The following NRXN3 variants were observed in gnomAD, a reference collection of about 807,000 sequenced individuals.
NRXN3 encodes the protein neurexin III.
In NRXN3, 32 loss-of-function variants were observed where a neutral mutation model predicts 137.6. That is an observed-to-expected ratio of 0.23 (90% confidence interval 0.18 to 0.31). The LOEUF is 0.31. Ranked by LOEUF, NRXN3 falls within the 10% of genes least tolerant of loss-of-function variation. NRXN3 has a pLI of 1.00. For missense variants in NRXN3, 1,574 were observed against 2,062.5 expected, an observed-to-expected ratio of 0.76 and a Z score of 4.59; for synonymous variants, 798 against 784.5, an observed-to-expected ratio of 1.02 and a Z score of -0.29.
At chr14:79,812,066 C>G (rs972788192) in intron 20 of NRXN3, among the ~76,000 whole-genome samples, 5 of 151,956 alleles carry the variant, frequency 3.3e-5, no homozygotes, top group African/African-American at 4.8e-5. Context: ...GAATAGTGTG[C>G]ATAATATATG....
chr14:78,576,955 A>G (rs2096942180), intron 4 of NRXN3, among the ~76,000 whole-genome samples: 1 of 152,098 alleles, frequency 6.6e-6, no homozygotes. Flanking sequence ...TCTGGGAATG[A>G]TTTATGACCT....
At chr14:79,544,548 A>T (rs559361913) in intron 16 of NRXN3, among the ~76,000 whole-genome samples, 1 of 152,206 alleles carries the variant, frequency 6.6e-6, no homozygotes, top group Non-Finnish European at 1.5e-5. Context: ...AGGTAAAACC[A>T]ATAAGAGGTT....
At chr14:79,465,218 G>A (rs1009570428) in intron 15 of NRXN3, among the ~76,000 whole-genome samples, 8 of 152,228 alleles carry the variant, frequency 5.3e-5, no homozygotes, top group South Asian at 4.1e-4. Flanking sequence ...CAGATGGAGC[G>A]ATATCAAGGG....
rs59965092 is a variant in NRXN3, at chr14:79,486,960, T to C, written c.3444+19558T>C. Among the ~76,000 whole-genome samples the C allele has an allele frequency of 3.3e-3, 373 of 112,048 alleles. 4 individuals carry two copies. Among genetic ancestry groups the C allele is most frequent in the African/African-American group, 0.012 (344 of 28,516 alleles). The allele number at this position is 112,048 out of a possible 152,430, so 73.5% of individuals were successfully genotyped here. A position where few individuals can be genotyped will look rare whatever the true frequency, so the allele number is the denominator to read the frequency against. On this transcript the variant is annotated intron_variant, in intron 16 of 20. Coordinates refer to ENST00000335750, the MANE Select transcript of NRXN3 (RefSeq NM_001330195.2). ...CTCTCTCTCTCTCTCTCTCTCTCTC[T>C]CCCACACACACACACCCCAAGATAA...
chr14:79,746,240 A>G (rs1302081646), intron 19 of NRXN3, among the ~76,000 whole-genome samples: 1 of 152,128 alleles, frequency 6.6e-6, no homozygotes, highest in Non-Finnish European at 1.5e-5. Context: ...TGGCCCTCAC[A>G]ACAGATGTAC....
intron 10 of NRXN3, among the ~76,000 whole-genome samples, chr14:78,878,161 T>A (rs976179915): frequency 1.3e-5 from 2 of 152,198 alleles, no homozygotes; most frequent in Non-Finnish European, 2.9e-5. Context: ...TTGCTTTGAA[T>A]TATTTTTCAT....
chr14:79,067,520 A>T (rs115421093), intron 15 of NRXN3, among the ~76,000 whole-genome samples: 1,790 of 152,108 alleles, frequency 0.012, 32 homozygotes, highest in African/African-American at 0.038. Flanking sequence ...CAATTTTTTG[A>T]ATAGTTTCAG....
At chr14:79,340,064 C>T (rs1266477234) in intron 15 of NRXN3, among the ~76,000 whole-genome samples, 1 of 152,008 alleles carries the variant, frequency 6.6e-6, no homozygotes. Context: ...AGATTGTCCT[C>T]ACTATATTAT....
chr14:79,076,353 G>A (rs777260846), intron 15 of NRXN3, among the ~76,000 whole-genome samples: 1 of 152,156 alleles, frequency 6.6e-6, no homozygotes, highest in Non-Finnish European at 1.5e-5. Flanking sequence ...GAATCCAGAT[G>A]TGGCTTAGCT....
intron 10 of NRXN3, among the ~76,000 whole-genome samples, chr14:78,917,345 A>AT (rs1447813844): frequency 6.6e-6 from 1 of 152,206 alleles, no homozygotes; most frequent in African/African-American, 2.4e-5. Context: ...AGCAGAAAAA[A>AT]TAACTATTGG....
intron 4 of NRXN3, among the ~76,000 whole-genome samples, chr14:78,605,176 A>G (rs1351286888): frequency 6.6e-6 from 1 of 152,176 alleles, no homozygotes; most frequent in Non-Finnish European, 1.5e-5. Flanking sequence ...GTTTTAAGTC[A>G]TCATCTTCCC....
chr14:78,397,110 A>G (rs1428336076), intron 4 of NRXN3, among the ~76,000 whole-genome samples: 2 of 152,200 alleles, frequency 1.3e-5, no homozygotes, highest in African/African-American at 2.4e-5. Context: ...GGGGTGCACA[A>G]TTCAGTCCAT....
chr14:78,344,020 A>G (rs1209449751), intron 4 of NRXN3, among the ~76,000 whole-genome samples: 2 of 152,146 alleles, frequency 1.3e-5, no homozygotes, highest in African/African-American at 4.8e-5. Flanking sequence ...CTGGGTTGCA[A>G]CGTCTGCAGT....
At position 78,482,727 on chromosome 14, in the gene NRXN3, G is replaced by A. The variant is rs959662659; in HGVS notation, c.758-162393G>A. 2.0e-5 allele frequency among the ~76,000 whole-genome samples: 3 copies of A among 152,150 alleles called. No homozygotes were observed. In the East Asian group the frequency reaches 5.8e-4, roughly 29 times the overall value. On this transcript the variant is annotated intron_variant, in intron 4 of 20. Coordinates refer to ENST00000335750, the MANE Select transcript of NRXN3 (RefSeq NM_001330195.2). ...ACGACTACAAGCATAGTGACCTTCT[G>A]GATTTGTTCCTGTGGATAATCTTAA...
chr14:79,341,135 T>C (rs144011371), intron 15 of NRXN3, among the ~76,000 whole-genome samples: 54 of 152,224 alleles, frequency 3.5e-4, no homozygotes, highest in Non-Finnish European at 5.4e-4. Context: ...TTTTCTGAAA[T>C]TGCTGGCTCC....
At chr14:79,838,035 C>T (rs1329430150) in intron 20 of NRXN3, among the ~76,000 whole-genome samples, 1 of 152,034 alleles carries the variant, frequency 6.6e-6, no homozygotes, top group Non-Finnish European at 1.5e-5. Context: ...GCAGTGTGTT[C>T]CTAGTGAGTT....
intron 15 of NRXN3, among the ~76,000 whole-genome samples, chr14:79,156,349 A>G (rs1056350386): frequency 1.3e-5 from 2 of 151,840 alleles, no homozygotes; most frequent in Non-Finnish European, 2.9e-5. Flanking sequence ...TTAAAAAAGT[A>G]TTACTAATAA....
chr14:79,401,731 G>A (rs1260391925), intron 15 of NRXN3, among the ~76,000 whole-genome samples: 5 of 151,694 alleles, frequency 3.3e-5, no homozygotes, highest in Admixed American at 3.3e-4. Context: ...TATATGACAG[G>A]ACAATGGACC....
At chr14:79,703,248 TC>T (rs1024215621) in intron 19 of NRXN3, among the ~76,000 whole-genome samples, 5 of 152,156 alleles carry the variant, frequency 3.3e-5, no homozygotes, top group Admixed American at 1.3e-4. Context: ...TTGTAAAAAT[TC>T]TTATAGGCAA....
Sources: allele counts gnomAD v4.1 joint callset (sites outside exome capture counted in the v4.1 genomes callset), GRCh38; gene constraint gnomAD v4.1.1; transcripts MANE v1.5; gene names NCBI Gene and HGNC (gene_info 2026-07-23, HGNC 2026-07-21).